POT1: variants seen among roughly 807,000 people sequenced by gnomAD.
POT1 encodes the protein protection of telomeres protein 1.
POT1 carries 47 observed loss-of-function variants against 78.5 expected under a neutral mutation model. The ratio of observed to expected loss-of-function variants is 0.60; its 90% CI spans 0.47 to 0.76. The LOEUF (loss-of-function observed/expected upper bound fraction) is 0.76. POT1 is among the 30% of genes least tolerant of loss of function. POT1 has a pLI of 0.00. For missense variants in POT1, 646 were observed against 749.9 expected, an observed-to-expected ratio of 0.86 and a Z score of 1.62; for synonymous variants, 259 against 260.7, an observed-to-expected ratio of 0.99 and a Z score of 0.06.
intron 2 of POT1, among the ~76,000 whole-genome samples, chr7:124,916,002 A>C (rs1293691909): frequency 6.6e-6 from 1 of 152,158 alleles, no homozygotes; most frequent in Admixed American, 6.5e-5. Flanking sequence ...GAAAGAAATG[A>C]AAACTTAATA....
chr7:124,852,045 T>G (rs867804884), intron 10 of POT1, 94 bp from the exon 11 acceptor site: 2 of 845,256 alleles, frequency 2.4e-6, no homozygotes, highest in South Asian at 1.6e-5. Flanking sequence ...TCATTGAAAT[T>G]GTATATAAAA....
intron 6 of POT1, among the ~76,000 whole-genome samples, chr7:124,874,211 C>T (rs1247276402): frequency 6.6e-6 from 1 of 152,044 alleles, no homozygotes; most frequent in African/African-American, 2.4e-5. Flanking sequence ...TCCTCCTCAC[C>T]ATCACATTAG....
chr7:124,857,035 T>A (rs1003828829), intron 9 of POT1, among the ~76,000 whole-genome samples: 4 of 152,182 alleles, frequency 2.6e-5, no homozygotes, highest in Non-Finnish European at 4.4e-5. Flanking sequence ...GTAAACTTAC[T>A]TGGTTTGTTG....
At chr7:124,873,719 C>T (rs578005658) in intron 6 of POT1, among the ~76,000 whole-genome samples, 1 of 152,256 alleles carries the variant, frequency 6.6e-6, no homozygotes, top group African/African-American at 2.4e-5. Context: ...TGCCTATATA[C>T]ATGATTCAGA....
intron 5 of POT1, among the ~76,000 whole-genome samples, chr7:124,893,973 A>C (rs1376756051): frequency 6.6e-6 from 1 of 151,516 alleles, no homozygotes; most frequent in African/African-American, 2.4e-5. Flanking sequence ...TAATAAGAGA[A>C]CCAAAAGATA....
At chr7:124,926,117 A>G (rs1427463620) in intron 2 of POT1, among the ~76,000 whole-genome samples, 1 of 152,170 alleles carries the variant, frequency 6.6e-6, no homozygotes, top group African/African-American at 2.4e-5. Context: ...AAACTTAATT[A>G]AGCTAAAAAG....
intron 3 of POT1, among the ~76,000 whole-genome samples, chr7:124,913,163 T>TCCCAC (rs1796932376): frequency 6.6e-6 from 1 of 152,048 alleles, no homozygotes; most frequent in Admixed American, 6.6e-5. Flanking sequence ...TTCAATCACC[T>TCCCAC]CCCACCAGGT....
At chr7:124,922,758 TGACA>T (rs891660334) in intron 2 of POT1, among the ~76,000 whole-genome samples, 3 of 151,956 alleles carry the variant, frequency 2.0e-5, no homozygotes, top group African/African-American at 7.2e-5. Context: ...TCAAATTGTT[TGACA>T]GACAAACAAA....
At chr7:124,868,076 G>A (rs1562995624) in intron 7 of POT1, among the ~76,000 whole-genome samples, 1 of 152,120 alleles carries the variant, frequency 6.6e-6, no homozygotes, top group Non-Finnish European at 1.5e-5. Flanking sequence ...AAAAAGAAGA[G>A]TAGATCTTGA....
chr7:124,846,138 T>C (rs1468727842), intron 12 of POT1, among the ~76,000 whole-genome samples: 1 of 142,702 alleles, frequency 7.0e-6, no homozygotes, highest in Non-Finnish European at 1.5e-5. Context: ...AGAGATAGGG[T>C]ACATATGAAC....
chr7:124,870,336 C>G (rs1186800483), intron 7 of POT1, among the ~76,000 whole-genome samples: 1 of 151,858 alleles, frequency 6.6e-6, no homozygotes, highest in African/African-American at 2.4e-5. Context: ...TTTAATTGTG[C>G]TATTTAATAA....
intron 11 of POT1, among the ~76,000 whole-genome samples, chr7:124,847,903 A>T (rs1321796747): frequency 6.6e-6 from 1 of 152,240 alleles, no homozygotes; most frequent in Admixed American, 6.5e-5. Context: ...ATAAGCCCAC[A>T]TTTATACTCG....
intron 6 of POT1, among the ~76,000 whole-genome samples, chr7:124,887,804 A>C (rs1796281729): frequency 6.6e-6 from 1 of 152,162 alleles, no homozygotes; most frequent in African/African-American, 2.4e-5. Context: ...TACAATAAAC[A>C]ATGTTAAATT....
At chr7:124,900,260 T>G (rs1414573916) in intron 3 of POT1, among the ~76,000 whole-genome samples, 1 of 152,164 alleles carries the variant, frequency 6.6e-6, no homozygotes, top group Non-Finnish European at 1.5e-5. Flanking sequence ...TCCACATATA[T>G]TCTTTATTTA....
At chr7:124,833,003 G>A (rs1478934457) in intron 15 of POT1, among the ~76,000 whole-genome samples, 1 of 152,060 alleles carries the variant, frequency 6.6e-6, no homozygotes, top group East Asian at 1.9e-4. Flanking sequence ...AAGCAAGTGA[G>A]CGAGGATGAG....
At chr7:124,846,184 C>CACACACACACA (rs1554421673) in intron 12 of POT1, among the ~76,000 whole-genome samples, 4 of 150,570 alleles carry the variant, frequency 2.7e-5, no homozygotes, top group Admixed American at 6.6e-5. Flanking sequence ...CACACACACA[C>CACACACACACA]CCCTATAATA....
At chr7:124,872,593 C>T (rs11770818) in intron 6 of POT1, among the ~76,000 whole-genome samples, 48,519 of 151,920 alleles carry the variant, frequency 0.32, 7,779 homozygotes, top group South Asian at 0.4. Context: ...AGTGCTAAGG[C>T]AAAGTGATAA....
At position 124,832,052 on chromosome 7, in the gene POT1, G is replaced by T. The variant is rs568919019; in HGVS notation, c.1506-2710C>A. On this transcript the variant is annotated intron_variant, in intron 15 of 18. Coordinates refer to ENST00000357628, the MANE Select transcript of POT1 (RefSeq NM_015450.3). ...GGAGGCCAAGGTAGGCAGATTGCTTGAACTCCAGAGTTCAAGAACAGCCTG... is the reference window on the plus strand; with the variant it reads ...GGAGGCCAAGGTAGGCAGATTGCTTTAACTCCAGAGTTCAAGAACAGCCTG... Among the ~76,000 whole-genome samples the T allele has an allele frequency of 1.5e-4, 21 of 143,918 alleles. No individual in the cohort carries two copies. In the South Asian group the frequency reaches 4.8e-3, roughly 33 times the overall value. 94.4% of individuals were successfully genotyped at this position (143,918 alleles called of 152,430 possible). A position where few individuals can be genotyped will look rare whatever the true frequency, so the allele number is the denominator to read the frequency against.
chr7:124,920,000 T>C (rs976483171), intron 2 of POT1, among the ~76,000 whole-genome samples: 4 of 70,988 alleles, frequency 5.6e-5, no homozygotes, highest in African/African-American at 2.2e-4. Context: ...TTTGGGTGCC[T>C]TGCCTCCTTA....
Sources: gnomAD v4.1 joint callset for allele counts (sites outside exome capture counted in the v4.1 genomes callset) on GRCh38, gnomAD v4.1.1 for gene constraint, MANE v1.5 for transcripts, NCBI Gene and HGNC (gene_info 2026-07-23, HGNC 2026-07-21) for gene names.